Variants in ASXL1 observed in about 807,000 individuals in gnomAD.
ASXL1 encodes the protein ASXL transcriptional regulator 1.
A neutral mutation model predicts 89.1 loss-of-function variants in ASXL1; 65 were observed. The observed-to-expected ratio is 0.73, with a 90% CI of 0.60 to 0.90. The LOEUF is 0.90. ASXL1 is among the 40% of genes least tolerant of loss of function. The pLI is 0.00. For missense variants in ASXL1, 1,786 were observed against 1,942.9 expected (o/e 0.92, Z 1.52); for synonymous variants, 739 against 746.9 (o/e 0.99, Z 0.17).
At chr20:32,422,092 G>A (rs1260418545) in intron 4 of ASXL1, among the ~76,000 whole-genome samples, 6 of 149,830 alleles carry the variant, frequency 4.0e-5, no homozygotes, top group Non-Finnish European at 7.4e-5. Flanking sequence ...TGTTAGCCAG[G>A]ATGGTCTCGA....
In ASXL1 at chr20:32,431,646, G is replaced by A; in HGVS notation, c.946G>A (p.Ala316Thr). The A allele has an allele frequency of 6.2e-7, 1 of 1,613,720 alleles. No individual in the cohort carries two copies. The highest frequency in any genetic ancestry group is 8.5e-7 in the Non-Finnish European group (1 of 1,180,040). ...SALNNEFFTH[A>T]AQSWRERLAD... The stretch of plus-strand genomic sequence containing the variant: ...ACTAAATAACGAGTTTTTTACCCAT[G>A]CGGCTCAGAGCTGGCGGGAGCGCCT... The change falls in exon 10 of 13, where the codon GCG becomes ACG. Residue 316 changes from alanine (A) to threonine (T), a missense_variant. This residue lies in a region of ASXL1 where 332 missense variants were observed against 449.7 expected (regional missense o/e 0.74). Coordinates refer to ENST00000375687, the MANE Select transcript of ASXL1 (RefSeq NM_015338.6).
At position 32,434,929 on chromosome 20, in the gene ASXL1, C is replaced by G; in HGVS notation, c.2217C>G (p.Leu739=). The G allele has an allele frequency of 6.2e-7, 1 of 1,614,178 alleles. No individual in the cohort carries two copies. The highest frequency in any genetic ancestry group is 2.2e-5 in the East Asian group (1 of 44,890). The change falls in exon 13 of 13, where the codon CTC becomes CTG. Residue 739 remains leucine (L), a synonymous_variant. Transcript: ENST00000375687. ...SCLLQRATVG[L]TDGLGDASQL... is the part of the protein sequence containing the mutation. ...TACTACAGAGGGCTACAGTTGGACT[C>G]ACAGATGGGCTAGGAGATGCCTCCC...
At chr20:32,433,106 T>TCATTTATCTTAATGC in intron 11 of ASXL1, 121 bp downstream of exon 11, 1 of 1,540,974 alleles carries the variant, frequency 6.5e-7, no homozygotes. Flanking sequence ...GACACTTGGG[T>TCATTTATCTTAATGC]CATTTATCTT....
intron 4 of ASXL1, among the ~76,000 whole-genome samples, chr20:32,404,726 TAGAA>T (rs888092204): frequency 2.0e-5 from 3 of 152,224 alleles, no homozygotes; most frequent in Admixed American, 2.0e-4. Flanking sequence ...CGCTTTCAGA[TAGAA>T]AGCCTTTAGT....
At position 32,429,458 on chromosome 20, in the gene ASXL1, CT is replaced by C. The variant is rs2123218029; in HGVS notation, c.565+32del. Reference sequence around the variant, plus strand: ...TATGTGTAAACTCATGGTTGTGATGCTTTTTCCTCAGGTCCTGGGGACCTGG... The same window carrying C: ...TATGTGTAAACTCATGGTTGTGATGCTTTTCCTCAGGTCCTGGGGACCTGG... On this transcript the variant is annotated intron_variant, in intron 7 of 12. Transcript: ENST00000375687. The surrounding 1 kb of genome is among the most constrained non-coding windows in gnomAD (Gnocchi z 4.9). The C allele has an allele frequency of 6.2e-7, 1 of 1,607,264 alleles. No individual in the cohort carries two copies. The highest frequency in any genetic ancestry group is 8.5e-7 in the Non-Finnish European group (1 of 1,173,840).
intron 4 of ASXL1, among the ~76,000 whole-genome samples, chr20:32,410,301 A>T (rs1292106365): frequency 2.6e-5 from 4 of 152,060 alleles, no homozygotes; most frequent in African/African-American, 9.7e-5. Flanking sequence ...TTATTTTATT[A>T]TTCCTTTATT....
Position 32,399,836 on chromosome 20 carries a change from A to G in ASXL1, c.253-28292A>G, listed in dbSNP as rs550465632. Among the ~76,000 whole-genome samples the G allele has an allele frequency of 9.6e-5, 13 of 134,796 alleles. No individual in the cohort carries two copies. The East Asian group carries it at 2.8e-3, about 29-fold the overall frequency. 88.4% of individuals were successfully genotyped at this position (134,796 alleles called of 152,430 possible). Reference sequence around the variant, plus strand: ...GGGTGCAGTGGCACAATTTCAGCTCACTACAACCTCCGCCTCCTGGTTTCA... The same window carrying G: ...GGGTGCAGTGGCACAATTTCAGCTCGCTACAACCTCCGCCTCCTGGTTTCA... On this transcript the variant is annotated intron_variant, in intron 4 of 12. Transcript: ENST00000375687.
intron 4 of ASXL1, among the ~76,000 whole-genome samples, chr20:32,405,037 G>A (rs1035884471): frequency 2.6e-5 from 4 of 151,994 alleles, no homozygotes; most frequent in African/African-American, 7.3e-5. Flanking sequence ...TTATTTTGTA[G>A]CAATTTTAAG....
At chr20:32,412,469 A>G (rs1346319270) in intron 4 of ASXL1, among the ~76,000 whole-genome samples, 2 of 152,184 alleles carry the variant, frequency 1.3e-5, no homozygotes, top group African/African-American at 4.8e-5. Flanking sequence ...GTGCCCCTTC[A>G]GTGTGGTTAT....
At chr20:32,359,676 G>A in intron 1 of ASXL1, 1 of 717,786 alleles carries the variant, frequency 1.4e-6, no homozygotes, top group Non-Finnish European at 2.6e-6. Context: ...TCTCTGTTGG[G>A]AGACGTTGTT....
At chr20:32,402,943 A>G (rs1403418793) in intron 4 of ASXL1, among the ~76,000 whole-genome samples, 3 of 152,044 alleles carry the variant, frequency 2.0e-5, no homozygotes, top group African/African-American at 7.2e-5. Flanking sequence ...TAATTTATCT[A>G]TTTTTAAATT....
chr20:32,413,585 G>A (rs1219673063), intron 4 of ASXL1, among the ~76,000 whole-genome samples: 2 of 151,982 alleles, frequency 1.3e-5, no homozygotes, highest in Admixed American at 6.6e-5. Context: ...CCTGCTCTCC[G>A]CATGGACAGT....
chr20:32,366,669 G>A lies in ASXL1; in HGVS notation c.140+203G>A, dbSNP rs561749512. On this transcript the variant is annotated intron_variant, in intron 2 of 12. Coordinates refer to ENST00000375687, the MANE Select transcript of ASXL1 (RefSeq NM_015338.6). ...AACATCCATTTGTTTTCATTTAGAG[G>A]TGCAGTGGCTTTCCCCATCTCCTTG... 3.1e-5 allele frequency: 22 copies of A among 715,302 alleles called. No individual in the cohort carries two copies. In the Admixed American group the frequency reaches 6.9e-4, roughly 22 times the overall value. 44.3% of individuals were successfully genotyped at this position (715,302 alleles called of 1,614,324 possible). A position where few individuals can be genotyped will look rare whatever the true frequency, so the allele number is the denominator to read the frequency against.
At chr20:32,419,080 C>T (rs909588452) in intron 4 of ASXL1, among the ~76,000 whole-genome samples, 1 of 152,002 alleles carries the variant, frequency 6.6e-6, no homozygotes, top group African/African-American at 2.4e-5. Flanking sequence ...ATCTGCCCGC[C>T]TTAGCCTCTC....
At chr20:32,380,639 A>G (rs1425215754) in intron 4 of ASXL1, among the ~76,000 whole-genome samples, 2 of 152,210 alleles carry the variant, frequency 1.3e-5, no homozygotes, top group East Asian at 3.9e-4. Context: ...AGTTGGAGGT[A>G]CTGGGGGAGC....
chr20:32,427,213 A>G (rs756751296), intron 4 of ASXL1: 4 of 152,124 alleles, frequency 2.6e-5, no homozygotes, highest in Non-Finnish European at 5.9e-5. Flanking sequence ...TCGTGAGTCT[A>G]TTGGAAGAAG....
intron 4 of ASXL1, among the ~76,000 whole-genome samples, chr20:32,385,499 A>G (rs747161574): frequency 1.3e-5 from 2 of 152,144 alleles, no homozygotes. Flanking sequence ...CTTGTATGAT[A>G]CTTCTTAAAT....
chr20:32,362,109 A>G (rs2048123194), intron 1 of ASXL1, among the ~76,000 whole-genome samples: 1 of 152,220 alleles, frequency 6.6e-6, no homozygotes, highest in Non-Finnish European at 1.5e-5. Context: ...TGTTTAAAAA[A>G]AGTTGCTGTA....
chr20:32,425,810 T>G (rs1026927016), intron 4 of ASXL1, among the ~76,000 whole-genome samples: 1 of 152,118 alleles, frequency 6.6e-6, no homozygotes, highest in African/African-American at 2.4e-5. Context: ...GTTCAAGTGA[T>G]TCTCCTGCCT....
Sources: allele counts gnomAD v4.1 joint callset (sites outside exome capture counted in the v4.1 genomes callset), GRCh38; gene constraint gnomAD v4.1.1; regional missense constraint gnomAD v4.1.1; non-coding constraint Gnocchi (gnomAD v3.1); transcripts MANE v1.5; gene names NCBI Gene and HGNC (gene_info 2026-07-23, HGNC 2026-07-21).